The following CNTNAP2 variants were observed in gnomAD, a reference collection of about 807,000 sequenced individuals.
The protein encoded by CNTNAP2 is contactin associated protein 2.
In CNTNAP2, 98 loss-of-function variants were observed where a neutral mutation model predicts 155.2. The observed-to-expected ratio is 0.63, with a 90% CI of 0.54 to 0.75. The LOEUF (loss-of-function observed/expected upper bound fraction) is 0.75, where lower values mean the gene tolerates loss of function less well. Among genes scored for constraint, CNTNAP2 ranks in the 30% least tolerant of loss-of-function variants. The pLI, the probability that CNTNAP2 is intolerant of heterozygous loss-of-function variation, is 0.00. For missense variants in CNTNAP2, 1,727 were observed against 1,688.1 expected, an observed-to-expected ratio of 1.02 and a Z score of -0.40; for synonymous variants, 651 against 631.2, an observed-to-expected ratio of 1.03 and a Z score of -0.47.
At chr7:146,270,253 G>A (rs1800059676) in intron 1 of CNTNAP2, among the ~76,000 whole-genome samples, 1 of 152,084 alleles carries the variant, frequency 6.6e-6, no homozygotes, top group Non-Finnish European at 1.5e-5. Context: ...TAGAATTCAA[G>A]ACCCTCCATA....
At chr7:147,531,549 C>T (rs1448538977) in intron 11 of CNTNAP2, among the ~76,000 whole-genome samples, 1 of 152,204 alleles carries the variant, frequency 6.6e-6, no homozygotes, top group East Asian at 1.9e-4. Context: ...CCCCTTTCAG[C>T]CATGGCTGGA....
intron 3 of CNTNAP2, among the ~76,000 whole-genome samples, chr7:146,905,545 T>C (rs549573414): frequency 2.6e-5 from 4 of 152,250 alleles, no homozygotes; most frequent in African/African-American, 9.6e-5. Context: ...AGAAAGTGTA[T>C]AGAATTTAGA....
At chr7:147,602,665 G>T (rs1228532828) in intron 12 of CNTNAP2, among the ~76,000 whole-genome samples, 2 of 143,704 alleles carry the variant, frequency 1.4e-5, no homozygotes, top group Non-Finnish European at 3.0e-5. Context: ...ACAGGCCCCA[G>T]AGTGTGATGT....
intron 1 of CNTNAP2, among the ~76,000 whole-genome samples, chr7:146,719,926 G>T (rs1251587121): frequency 6.6e-6 from 1 of 152,174 alleles, no homozygotes; most frequent in East Asian, 1.9e-4. Flanking sequence ...ATTGCAGAAA[G>T]ACCTGCAGAG....
chr7:146,311,625 A>AG (rs1554415290), intron 1 of CNTNAP2: 21 of 145,800 alleles, frequency 1.4e-4, no homozygotes, highest in African/African-American at 4.7e-4. Flanking sequence ...AAAAAAAAAA[A>AG]AAAGAAAGAA....
intron 1 of CNTNAP2, among the ~76,000 whole-genome samples, chr7:146,459,786 C>T (rs1287811371): frequency 2.0e-5 from 3 of 152,102 alleles, no homozygotes; most frequent in Non-Finnish European, 4.4e-5. Context: ...GCCTGGCTAA[C>T]ATGGTGAAAC....
intron 11 of CNTNAP2, among the ~76,000 whole-genome samples, chr7:147,526,073 T>A (rs1400324464): frequency 2.0e-5 from 3 of 151,142 alleles, no homozygotes; most frequent in African/African-American, 7.3e-5. Flanking sequence ...GTGCCTGTAA[T>A]CCCAGCTACT....
intron 20 of CNTNAP2, among the ~76,000 whole-genome samples, chr7:148,251,545 C>T (rs1796362928): frequency 6.6e-6 from 1 of 152,202 alleles, no homozygotes; most frequent in Non-Finnish European, 1.5e-5. Context: ...TCTCCAGTCC[C>T]TCTGCCTTAT....
At chr7:146,945,725 A>C (rs1420178504) in intron 3 of CNTNAP2, among the ~76,000 whole-genome samples, 1 of 152,164 alleles carries the variant, frequency 6.6e-6, no homozygotes, top group East Asian at 1.9e-4. Flanking sequence ...TACTGCATTC[A>C]GCTCCATACT....
At position 146,651,020 on chromosome 7, in the gene CNTNAP2, A is replaced by AT. The variant is rs879889006; in HGVS notation, c.98-123238dup. On this transcript the variant is annotated intron_variant, in intron 1 of 23. Transcript: ENST00000361727. ...CACTCCAGCCTGGGCAACATAGTGAATTTTTTTTTTTTTAAAGAACAACTA... is the reference window on the plus strand; with the variant it reads ...CACTCCAGCCTGGGCAACATAGTGAATTTTTTTTTTTTTTAAAGAACAACTA... Among the ~76,000 whole-genome samples the AT allele has an allele frequency of 1.3e-3, 196 of 146,570 alleles. 1 individual carries two copies. The highest frequency in any genetic ancestry group is 9.6e-3 in the South Asian group (44 of 4,600).
intron 3 of CNTNAP2, among the ~76,000 whole-genome samples, chr7:146,933,965 A>G (rs1796848561): frequency 6.6e-6 from 1 of 152,030 alleles, no homozygotes; most frequent in Non-Finnish European, 1.5e-5. Flanking sequence ...GGATGTGGAG[A>G]AATAGGAACA....
intron 1 of CNTNAP2, among the ~76,000 whole-genome samples, chr7:146,469,299 C>G (rs1292412722): frequency 6.6e-6 from 1 of 151,878 alleles, no homozygotes; most frequent in Non-Finnish European, 1.5e-5. Context: ...CCAAAGCAAA[C>G]TCCAGTAGCC....
intron 1 of CNTNAP2, among the ~76,000 whole-genome samples, chr7:146,540,002 C>T (rs1176582704): frequency 6.6e-6 from 1 of 152,008 alleles, no homozygotes; most frequent in Non-Finnish European, 1.5e-5. Flanking sequence ...GGTGTTTACA[C>T]AGGTGCAGCT....
chr7:147,006,111 G>A (rs1380183476), intron 3 of CNTNAP2, among the ~76,000 whole-genome samples: 3 of 152,016 alleles, frequency 2.0e-5, no homozygotes, highest in African/African-American at 7.2e-5. Flanking sequence ...CCATGCACAT[G>A]CATGTATATA....
intron 13 of CNTNAP2, among the ~76,000 whole-genome samples, chr7:147,842,758 ACAGTC>A: frequency 1.4e-5 from 1 of 74,024 alleles, no homozygotes; most frequent in Non-Finnish European, 2.6e-5. Context: ...CGACCCCACC[ACAGTC>A]CCCAGAGTGT....
intron 12 of CNTNAP2, among the ~76,000 whole-genome samples, chr7:147,631,038 T>G (rs935334737): frequency 4.6e-5 from 7 of 152,140 alleles, no homozygotes; most frequent in Non-Finnish European, 7.4e-5. Flanking sequence ...AAAGTTGTGC[T>G]GTTCACAGAT....
At chr7:147,933,869 C>A (rs1800556090) in intron 14 of CNTNAP2, among the ~76,000 whole-genome samples, 1 of 151,554 alleles carries the variant, frequency 6.6e-6, no homozygotes, top group Middle Eastern at 3.4e-3. Context: ...TCTCAAAAAA[C>A]AAAAAGAAAG....
chr7:147,397,027 A>T (rs114555359), intron 10 of CNTNAP2, among the ~76,000 whole-genome samples: 2,500 of 152,154 alleles, frequency 0.016, 69 homozygotes, highest in African/African-American at 0.057. Context: ...GTTTGCTTTC[A>T]TAAAATCTGA....
At chr7:148,077,357 A>T (rs1477129018) in intron 15 of CNTNAP2, among the ~76,000 whole-genome samples, 1 of 152,092 alleles carries the variant, frequency 6.6e-6, no homozygotes, top group Non-Finnish European at 1.5e-5. Context: ...GTTCTAATTC[A>T]TATTTAAGGA....
Sources: gnomAD v4.1 joint callset for allele counts (sites outside exome capture counted in the v4.1 genomes callset) on GRCh38, gnomAD v4.1.1 for gene constraint, MANE v1.5 for transcripts, NCBI Gene and HGNC (gene_info 2026-07-23, HGNC 2026-07-21) for gene names.